Variants in MREG observed in about 807,000 individuals in gnomAD.
The protein encoded by MREG is dilute suppressor protein homolog.
A neutral mutation model predicts 28.5 loss-of-function variants in MREG; 31 were observed. That is an observed-to-expected ratio of 1.09 (90% CI 0.82 to 1.47). The LOEUF (loss-of-function observed/expected upper bound fraction) is 1.47. Among genes scored for constraint, MREG ranks in the 40% most tolerant of loss-of-function variants. The pLI, the probability that MREG is intolerant of heterozygous loss-of-function variation, is 0.00. For missense variants in MREG, 256 were observed against 257.4 expected (o/e 0.99, Z 0.04); for synonymous variants, 106 against 95.2 (o/e 1.11, Z -0.66).
chr2:216,027,794 A>G (rs541066134), intron 1 of MREG, among the ~76,000 whole-genome samples: 1 of 152,328 alleles, frequency 6.6e-6, no homozygotes, highest in Non-Finnish European at 1.5e-5. Context: ...AAAAATGTCC[A>G]TTCTGAACAA....
intron 2 of MREG, among the ~76,000 whole-genome samples, chr2:215,987,397 C>T (rs1278812931): frequency 2.6e-5 from 4 of 151,942 alleles, no homozygotes; most frequent in Non-Finnish European, 1.5e-5. Flanking sequence ...CAGGTAAGTG[C>T]CATCACGCCC....
intron 2 of MREG, among the ~76,000 whole-genome samples, chr2:215,974,908 C>A (rs1693209270): frequency 6.8e-6 from 1 of 147,786 alleles, no homozygotes. Flanking sequence ...TCCAGCACAC[C>A]CACAGTAAAT....
Position 215,950,669 on chromosome 2 carries a change from A to T in MREG, c.256-3556T>A, listed in dbSNP as rs182000478. Among the ~76,000 whole-genome samples the T allele has an allele frequency of 1.8e-4, 27 of 152,310 alleles. No individual in the cohort carries two copies. In the South Asian group the frequency reaches 2.1e-3, roughly 12 times the overall value. ...GAAAGTATCTGGAAATTTTATGCAA[A>T]ATTTAAAGCTCTAAAACCAGTAGAA... On this transcript the variant is annotated intron_variant, in intron 2 of 4. Transcript: ENST00000263268.
At chr2:216,014,944 G>T (rs1694410383), upstream of MREG, among the ~76,000 whole-genome samples, 1 of 152,126 alleles carries the variant, frequency 6.6e-6, no homozygotes, top group African/African-American at 2.4e-5. Context: ...CTAAGAGCCG[G>T]GAATAAAGCA....
At chr2:216,031,691 G>A (rs201907921) in intron 1 of MREG, among the ~76,000 whole-genome samples, 36 of 61,160 alleles carry the variant, frequency 5.9e-4, no homozygotes, top group Middle Eastern at 8.8e-3. Flanking sequence ...AAGAAAGAAA[G>A]AGAAAGAAAG....
intron 1 of MREG, among the ~76,000 whole-genome samples, chr2:216,012,815 T>C (rs541784275): frequency 6.6e-6 from 1 of 152,272 alleles, no homozygotes; most frequent in East Asian, 1.9e-4. Flanking sequence ...TAAAATTGAA[T>C]GAGAAATAGA....
At chr2:216,001,865 T>C (rs1234543278) in intron 1 of MREG, among the ~76,000 whole-genome samples, 1 of 152,062 alleles carries the variant, frequency 6.6e-6, no homozygotes, top group African/African-American at 2.4e-5. Context: ...CTACAGCAAA[T>C]GGCCTAAAGA....
At chr2:215,994,605 GA>G (rs1693811360) in intron 2 of MREG, among the ~76,000 whole-genome samples, 1 of 103,886 alleles carries the variant, frequency 9.6e-6, no homozygotes, top group African/African-American at 2.7e-5. Context: ...AGAAGGAGAA[GA>G]AGAGGAAGAA....
chr2:215,966,184 C>T (rs1212890537), intron 2 of MREG, among the ~76,000 whole-genome samples: 1 of 152,166 alleles, frequency 6.6e-6, no homozygotes, highest in Admixed American at 6.5e-5. Flanking sequence ...CTCAATGCCC[C>T]AGACCTCTCT....
intron 1 of MREG, among the ~76,000 whole-genome samples, chr2:216,002,009 T>A (rs1166586938): frequency 1.3e-5 from 2 of 152,122 alleles, no homozygotes; most frequent in Admixed American, 1.3e-4. Flanking sequence ...AAACAGACCA[T>A]AAGTCAGAAG....
chr2:215,942,660 C>A lies in MREG; in HGVS notation c.*2203G>T, dbSNP rs1219374918. 1 of 152,554 alleles carries A rather than the reference C, an allele frequency of 6.6e-6. No homozygotes were observed. The highest frequency in any genetic ancestry group is 1.5e-5 in the Non-Finnish European group (1 of 68,032). 9.5% of individuals were successfully genotyped at this position (152,554 alleles called of 1,614,324 possible). ...ATAATTCCATGTATTTTAATAATCA[C>A]AGAGATAGTCCTATCCTTATTCATT... On this transcript the variant is annotated 3_prime_UTR_variant, in exon 5 of 5. Transcript: ENST00000263268.
At chr2:215,964,127 A>G (rs1559179092) in intron 2 of MREG, among the ~76,000 whole-genome samples, 2 of 152,320 alleles carry the variant, frequency 1.3e-5, no homozygotes, top group East Asian at 3.9e-4. Flanking sequence ...AAAAACCACA[A>G]TAAAATGGCA....
In MREG at chr2:215,944,641, A is replaced by T. The variant is rs189398816; in HGVS notation, c.*222T>A. Reference sequence around the variant, plus strand: ...AACTATCCATCTGACCAACTCTTTAACTTTCTTCCTAAATATGAGATCACC... The same window carrying T: ...AACTATCCATCTGACCAACTCTTTATCTTTCTTCCTAAATATGAGATCACC... On this transcript the variant is annotated 3_prime_UTR_variant, in exon 5 of 5. Coordinates refer to ENST00000263268, the MANE Select transcript of MREG (RefSeq NM_018000.3). 36 of 388,496 alleles carry T rather than the reference A, an allele frequency of 9.3e-5. No individual in the cohort carries two copies. In the Admixed American group the frequency reaches 1.3e-3, roughly 14 times the overall value. 24.1% of individuals were successfully genotyped at this position (388,496 alleles called of 1,614,324 possible). A position where few individuals can be genotyped will look rare whatever the true frequency, so the allele number is the denominator to read the frequency against.
chr2:216,027,773 T>G (rs1281765261), intron 1 of MREG, among the ~76,000 whole-genome samples: 2 of 152,196 alleles, frequency 1.3e-5, no homozygotes, highest in African/African-American at 2.4e-5. Flanking sequence ...GTTTAAAATT[T>G]GCCTAATATC....
At chr2:215,939,949 C>T (rs1257854672), downstream of MREG, among the ~76,000 whole-genome samples, 1 of 152,178 alleles carries the variant, frequency 6.6e-6, no homozygotes, top group Non-Finnish European at 1.5e-5. Flanking sequence ...GCCTAAGCTT[C>T]CTCTAGCTAT....
chr2:216,006,481 A>G (rs1694157232), intron 1 of MREG, among the ~76,000 whole-genome samples: 1 of 152,232 alleles, frequency 6.6e-6, no homozygotes, highest in East Asian at 1.9e-4. Flanking sequence ...GTGCCCCTGC[A>G]GGCACTTCCT....
chr2:215,961,805 C>T (rs1489679334), intron 2 of MREG, among the ~76,000 whole-genome samples: 2 of 152,136 alleles, frequency 1.3e-5, no homozygotes, highest in African/African-American at 2.4e-5. Flanking sequence ...GTCAAGTTCA[C>T]GATCCCCCTA....
intron 2 of MREG, among the ~76,000 whole-genome samples, chr2:215,958,379 G>C (rs894150987): frequency 6.6e-6 from 1 of 152,170 alleles, no homozygotes; most frequent in African/African-American, 2.4e-5. Flanking sequence ...TCACTCACAT[G>C]ATGGGCCTCT....
intron 2 of MREG, among the ~76,000 whole-genome samples, chr2:215,987,044 G>A (rs1239215598): frequency 6.6e-6 from 1 of 152,118 alleles, no homozygotes; most frequent in Non-Finnish European, 1.5e-5. Context: ...AATATCAATA[G>A]GAACTGGTTG....
Sources: gnomAD v4.1 joint callset for allele counts (sites outside exome capture counted in the v4.1 genomes callset) on GRCh38, gnomAD v4.1.1 for gene constraint, MANE v1.5 for transcripts, NCBI Gene and HGNC (gene_info 2026-07-23, HGNC 2026-07-21) for gene names.